Variants in ASTN2 observed in about 807,000 individuals in gnomAD.
ASTN2 encodes astrotactin 2, also known as astrotactin-2.
Under a neutral mutation model 139.8 loss-of-function variants are expected in ASTN2, and 54 were observed. That is an observed-to-expected ratio of 0.39 (90% CI 0.31 to 0.48). The LOEUF (loss-of-function observed/expected upper bound fraction) is 0.48. Ranked by LOEUF, ASTN2 falls within the 20% of genes least tolerant of loss-of-function variation. The pLI is 0.95. For synonymous variants in ASTN2, 756 were observed against 719.5 expected (o/e 1.05, Z -0.81); for missense variants, 1,565 against 1,725.1 (o/e 0.91, Z 1.64).
intron 16 of ASTN2, among the ~76,000 whole-genome samples, chr9:116,674,438 C>T (rs939738108): frequency 9.2e-5 from 14 of 152,228 alleles, no homozygotes; most frequent in Admixed American, 3.3e-4. Flanking sequence ...AGTCAACACA[C>T]CTGTGGGCAA....
intron 22 of ASTN2, among the ~76,000 whole-genome samples, chr9:116,434,088 GGTATTA>G (rs1255456129): frequency 6.6e-6 from 1 of 151,822 alleles, no homozygotes; most frequent in South Asian, 2.1e-4. Context: ...TTAGTTAGTT[GGTATTA>G]GTATGAGTAT....
chr9:117,015,279 A>G (rs1029712655), intron 6 of ASTN2, among the ~76,000 whole-genome samples: 4 of 152,076 alleles, frequency 2.6e-5, no homozygotes, highest in Non-Finnish European at 5.9e-5. Flanking sequence ...TTGGCCTCTC[A>G]AAGTGTTGGG....
chr9:116,437,379 C>G (rs1343962371), intron 22 of ASTN2: 3 of 471,178 alleles, frequency 6.4e-6, no homozygotes, highest in Non-Finnish European at 1.3e-5. Flanking sequence ...TTGGAGCAAT[C>G]TCAGATATCC....
chr9:117,067,698 A>G (rs1186382187), intron 5 of ASTN2, among the ~76,000 whole-genome samples: 1 of 122,890 alleles, frequency 8.1e-6, no homozygotes, highest in Non-Finnish European at 1.8e-5. Context: ...AGTGGTTTGT[A>G]GTTCTCCTTG....
intron 19 of ASTN2, among the ~76,000 whole-genome samples, chr9:116,500,936 C>T (rs1849831940): frequency 6.6e-6 from 1 of 152,070 alleles, no homozygotes; most frequent in South Asian, 2.1e-4. Flanking sequence ...GTGAATTATC[C>T]TCATGTATTT....
In ASTN2 at chr9:117,073,357, A is replaced by G. The variant is rs73527135; in HGVS notation, c.1276+22687T>C. On this transcript the variant is annotated intron_variant, in intron 5 of 22. Transcript: ENST00000313400. ...TCCACTCCTGGATATTGCTTGGTTC[A>G]TTCCACCTAATCCTTTGCAATATCA... is the stretch of plus-strand genomic sequence containing the variant. Among the ~76,000 whole-genome samples, 1,184 of 152,118 alleles carry G rather than the reference A, an allele frequency of 7.8e-3. 16 individuals carry two copies. Among genetic ancestry groups the G allele is most frequent in the African/African-American group, 0.027 (1,119 of 41,484 alleles).
intron 10 of ASTN2, among the ~76,000 whole-genome samples, chr9:116,974,182 C>A (rs1215915733): frequency 6.6e-6 from 1 of 152,100 alleles, no homozygotes; most frequent in Admixed American, 6.5e-5. Flanking sequence ...AATGCTTCCC[C>A]TAATCAAATT....
intron 19 of ASTN2, among the ~76,000 whole-genome samples, chr9:116,494,038 T>C (rs1372176065): frequency 6.6e-6 from 1 of 152,180 alleles, no homozygotes; most frequent in Non-Finnish European, 1.5e-5. Flanking sequence ...AGGGACAAAA[T>C]GCATCTTTAA....
intron 10 of ASTN2, among the ~76,000 whole-genome samples, chr9:116,884,319 C>T (rs1259899897): frequency 6.6e-6 from 1 of 152,096 alleles, no homozygotes; most frequent in Non-Finnish European, 1.5e-5. Flanking sequence ...TGTGAGAGGA[C>T]TTGGATAGTC....
intron 2 of ASTN2, among the ~76,000 whole-genome samples, chr9:117,239,102 T>C (rs1833132185): frequency 1.3e-5 from 2 of 152,318 alleles, no homozygotes; most frequent in Non-Finnish European, 2.9e-5. Flanking sequence ...AAATCAGCAG[T>C]GGATTCAGAT....
At chr9:117,082,556 G>A (rs568835346) in intron 5 of ASTN2, among the ~76,000 whole-genome samples, 9 of 152,204 alleles carry the variant, frequency 5.9e-5, no homozygotes, top group African/African-American at 1.9e-4. Context: ...AACAGTAAAT[G>A]CCTTCCTGGC....
chr9:116,624,715 A>G (rs1476711202), intron 17 of ASTN2, among the ~76,000 whole-genome samples: 1 of 152,172 alleles, frequency 6.6e-6, no homozygotes, highest in Non-Finnish European at 1.5e-5. Flanking sequence ...TATTTTTGAT[A>G]CTAAGATGGT....
chr9:116,998,573 A>ATCCATCCATCCATC (rs1554767994), intron 7 of ASTN2, among the ~76,000 whole-genome samples: 1 of 4,142 alleles, frequency 2.4e-4, no homozygotes, highest in African/African-American at 5.6e-4. Flanking sequence ...ATCCATCCAT[A>ATCCATCCATCCATC]CATCCATCCA....
At chr9:116,943,856 CTTTG>C (rs1052597266) in intron 10 of ASTN2, among the ~76,000 whole-genome samples, 3 of 152,134 alleles carry the variant, frequency 2.0e-5, no homozygotes, top group African/African-American at 7.2e-5. Flanking sequence ...TTGTTTGCCT[CTTTG>C]TTTGTTTTAA....
At chr9:116,849,826 C>A (rs1020776865) in intron 11 of ASTN2, among the ~76,000 whole-genome samples, 3 of 152,200 alleles carry the variant, frequency 2.0e-5, no homozygotes, top group African/African-American at 7.2e-5. Context: ...TCTCATTGAT[C>A]ACTCAGACTG....
At chr9:116,676,990 C>T (rs975254742) in intron 16 of ASTN2, among the ~76,000 whole-genome samples, 11 of 152,184 alleles carry the variant, frequency 7.2e-5, no homozygotes, top group African/African-American at 2.2e-4. Flanking sequence ...TTAGAAGCTA[C>T]AAATATTGGC....
chr9:117,222,081 ATTT>A (rs1442904683), intron 2 of ASTN2, among the ~76,000 whole-genome samples: 2 of 152,102 alleles, frequency 1.3e-5, no homozygotes, highest in Non-Finnish European at 2.9e-5. Context: ...CATCATGATA[ATTT>A]TAATACATGC....
chr9:117,406,857 A>AACACACAC (rs59125408), intron 1 of ASTN2, among the ~76,000 whole-genome samples: 81 of 144,340 alleles, frequency 5.6e-4, no homozygotes, highest in Admixed American at 9.1e-4. Flanking sequence ...ATTGTCCCCT[A>AACACACAC]ACACACACAC....
At chr9:117,263,204 C>A (rs1046108413) in intron 2 of ASTN2, among the ~76,000 whole-genome samples, 6 of 152,068 alleles carry the variant, frequency 3.9e-5, no homozygotes, top group African/African-American at 1.4e-4. Context: ...CTCTCTTTTT[C>A]CCTAATGATA....
Sources: gnomAD v4.1 joint callset for allele counts (sites outside exome capture counted in the v4.1 genomes callset) on GRCh38, gnomAD v4.1.1 for gene constraint, MANE v1.5 for transcripts, NCBI Gene and HGNC (gene_info 2026-07-23, HGNC 2026-07-21) for gene names.